Variants in PPP3R1 observed in about 807,000 individuals in gnomAD.
The protein encoded by PPP3R1 is calcineurin subunit B type 1.
Under a neutral mutation model 22.6 loss-of-function variants are expected in PPP3R1, and 5 were observed. The ratio of observed to expected loss-of-function variants is 0.22; its 90% CI spans 0.12 to 0.46. PPP3R1 has a LOEUF of 0.46. Ranked by LOEUF, PPP3R1 falls within the 20% of genes least tolerant of loss-of-function variation. PPP3R1 has a pLI of 0.99. For missense variants in PPP3R1, 61 were observed against 203.2 expected (o/e 0.30, Z 4.25); for synonymous variants, 56 against 65.2 (o/e 0.86, Z 0.68).
At chr2:68,249,389 A>T (rs1026890460) in intron 1 of PPP3R1, among the ~76,000 whole-genome samples, 2 of 152,186 alleles carry the variant, frequency 1.3e-5, no homozygotes, top group Non-Finnish European at 2.9e-5. Context: ...GACGGCAATA[A>T]ATTTGTTTTA....
intron 1 of PPP3R1, among the ~76,000 whole-genome samples, chr2:68,238,739 A>G (rs1670064037): frequency 6.6e-6 from 1 of 152,194 alleles, no homozygotes; most frequent in Non-Finnish European, 1.5e-5. Context: ...TGGTAGCACA[A>G]TGATGTCAAT....
intron 1 of PPP3R1, among the ~76,000 whole-genome samples, chr2:68,240,805 G>A (rs1670109042): frequency 6.6e-6 from 1 of 152,216 alleles, no homozygotes; most frequent in Admixed American, 6.5e-5. Flanking sequence ...TTTAGGCTAT[G>A]TTGAAGATTT....
intron 2 of PPP3R1, among the ~76,000 whole-genome samples, chr2:68,189,615 C>A (rs1218307574): frequency 6.6e-6 from 1 of 152,142 alleles, no homozygotes; most frequent in African/African-American, 2.4e-5. Context: ...CGCTTGTAAT[C>A]CCAGCACTTT....
intron 1 of PPP3R1, among the ~76,000 whole-genome samples, chr2:68,220,343 A>G (rs908571476): frequency 1.3e-5 from 2 of 152,240 alleles, no homozygotes; most frequent in Non-Finnish European, 2.9e-5. Context: ...CAGTCTCTGC[A>G]TAAGTTTGAG....
intron 1 of PPP3R1, among the ~76,000 whole-genome samples, chr2:68,229,179 ATT>A (rs879394020): frequency 6.9e-6 from 1 of 144,322 alleles, no homozygotes. Context: ...TCAGCTAATT[ATT>A]TTTTTTTTTT....
chr2:68,187,040 T>A (rs770121255), intron 4 of PPP3R1, among the ~76,000 whole-genome samples: 6 of 152,234 alleles, frequency 3.9e-5, no homozygotes, highest in Non-Finnish European at 5.9e-5. Flanking sequence ...AAGAAACTGT[T>A]TTCCTTCTAT....
At chr2:68,212,899 T>C (rs1290004506) in intron 2 of PPP3R1, among the ~76,000 whole-genome samples, 1 of 152,258 alleles carries the variant, frequency 6.6e-6, no homozygotes, top group Non-Finnish European at 1.5e-5. Flanking sequence ...GCATCAGCAC[T>C]TGCTGCTTCA....
At chr2:68,242,958 T>C (rs976493852) in intron 1 of PPP3R1, among the ~76,000 whole-genome samples, 2 of 152,186 alleles carry the variant, frequency 1.3e-5, no homozygotes, top group African/African-American at 4.8e-5. Context: ...TAAAAATGAA[T>C]ACTCTGTGTT....
At position 68,195,259 on chromosome 2, in the gene PPP3R1, T is replaced by A. The variant is rs769737064; in HGVS notation, c.44-6569A>T. ...TCTTTCATGACCTTGAAACTTATGA[T>A]CCAGTATTTTGTAAAACTTCCCTCA... On this transcript the variant is annotated intron_variant, in intron 2 of 5. Transcript: ENST00000234310. Among the ~76,000 whole-genome samples the A allele has an allele frequency of 1.7e-4, 26 of 152,182 alleles. 1 individual carries two copies. Among genetic ancestry groups the A allele is most frequent in the Admixed American group, 3.9e-4 (6 of 15,272 alleles).
At position 68,252,416 on chromosome 2, in the gene PPP3R1, G is replaced by A; in HGVS notation, c.-289C>T. 7 of 997,100 alleles carry A rather than the reference G, an allele frequency of 7.0e-6. No homozygotes were observed. Among genetic ancestry groups the A allele is most frequent in the Non-Finnish European group, 8.3e-6 (7 of 838,584 alleles). The allele number at this position is 997,100 out of a possible 1,614,324, so 61.8% of individuals were successfully genotyped here. ...GGCAGGAGAGGCAGAGAAGAAGAAA[G>A]GAGGGGGAGAGGGGGCGAAGACGGC... On this transcript the variant is annotated 5_prime_UTR_variant, in exon 1 of 6. Transcript: ENST00000234310.
chr2:68,235,883 C>A (rs1271899684), intron 1 of PPP3R1, among the ~76,000 whole-genome samples: 2 of 152,124 alleles, frequency 1.3e-5, no homozygotes, highest in Non-Finnish European at 2.9e-5. Flanking sequence ...TTATAACAAT[C>A]CTAGTGGGTG....
At position 68,217,663 on chromosome 2, in the gene PPP3R1, T is replaced by C. The variant is rs146417968; in HGVS notation, c.4-532A>G. Among the ~76,000 whole-genome samples, 3 of 152,252 alleles carry C rather than the reference T, an allele frequency of 2.0e-5. No individual in the cohort carries two copies. The East Asian group carries it at 5.8e-4, about 29-fold the overall frequency. ...AATAAGAAAAACATTAATGGAAAGG[T>C]GAGTCTAACTTGACAGCCAGCCACT... On this transcript the variant is annotated intron_variant, in intron 1 of 5. Coordinates refer to ENST00000234310, the MANE Select transcript of PPP3R1 (RefSeq NM_000945.4).
chr2:68,185,551 G>A (rs1674530089), intron 5 of PPP3R1, among the ~76,000 whole-genome samples: 1 of 148,736 alleles, frequency 6.7e-6, no homozygotes, highest in Non-Finnish European at 1.5e-5. Context: ...TACCATTGAA[G>A]CCAAGAATTT....
rs150507276 is a variant in PPP3R1, at chr2:68,186,171, G to C, written c.465+297C>G. On this transcript the variant is annotated intron_variant, in intron 5 of 5. Coordinates refer to ENST00000234310, the MANE Select transcript of PPP3R1 (RefSeq NM_000945.4). ...CTGTTTTTAGGGCATAAGTAGAGAAGAGAAGCTAAGTGGTTGTGGTTGTGC... is the reference window on the plus strand; with the variant it reads ...CTGTTTTTAGGGCATAAGTAGAGAACAGAAGCTAAGTGGTTGTGGTTGTGC... 3.1e-3 allele frequency among the ~76,000 whole-genome samples: 475 copies of C among 152,318 alleles called. 4 individuals are homozygous for C. Among genetic ancestry groups the C allele is most frequent in the Admixed American group, 4.9e-3 (75 of 15,302 alleles).
chr2:68,211,484 G>A (rs754219102), intron 2 of PPP3R1, among the ~76,000 whole-genome samples: 36 of 149,904 alleles, frequency 2.4e-4, no homozygotes, highest in African/African-American at 8.9e-4. Flanking sequence ...TAATTGTTCT[G>A]CTGTTGGTAG....
chr2:68,229,451 T>TA (rs1481118675), intron 1 of PPP3R1, among the ~76,000 whole-genome samples: 1 of 152,208 alleles, frequency 6.6e-6, no homozygotes, highest in Non-Finnish European at 1.5e-5. Context: ...CTTGCTGATT[T>TA]TCTTGCTTGG....
intron 2 of PPP3R1, among the ~76,000 whole-genome samples, chr2:68,199,526 T>C (rs1268501637): frequency 6.6e-6 from 1 of 152,184 alleles, no homozygotes; most frequent in Admixed American, 6.5e-5. Context: ...GAAAATCTTG[T>C]TTTCTTCCCC....
At chr2:68,226,178 G>A (rs1669777434) in intron 1 of PPP3R1, among the ~76,000 whole-genome samples, 1 of 152,174 alleles carries the variant, frequency 6.6e-6, no homozygotes, top group Admixed American at 6.5e-5. Flanking sequence ...GGGGAGAACA[G>A]GGAGTGAACA....
intron 3 of PPP3R1, among the ~76,000 whole-genome samples, chr2:68,187,584 T>C (rs1264238162): frequency 1.3e-5 from 2 of 152,168 alleles, no homozygotes; most frequent in Middle Eastern, 3.2e-3. Flanking sequence ...AAACATATTA[T>C]TTAAGTTGTT....
Sources: allele counts gnomAD v4.1 joint callset (sites outside exome capture counted in the v4.1 genomes callset), GRCh38; gene constraint gnomAD v4.1.1; transcripts MANE v1.5; gene names NCBI Gene and HGNC (gene_info 2026-07-23, HGNC 2026-07-21).